The following EBF2 variants were observed in gnomAD, a reference collection of about 807,000 sequenced individuals.
EBF2 encodes transcription factor COE2.
A neutral mutation model predicts 72.8 loss-of-function variants in EBF2; 21 were observed. The observed-to-expected ratio is 0.29, with a 90% CI of 0.20 to 0.42. The LOEUF (loss-of-function observed/expected upper bound fraction) is 0.42. Among genes scored for constraint, EBF2 ranks in the 10% least tolerant of loss-of-function variants. The pLI is 1.00. For missense variants in EBF2, 637 were observed against 731.2 expected (o/e 0.87, Z 1.49); for synonymous variants, 299 against 274.2 (o/e 1.09, Z -0.89).
At chr8:26,002,900 G>GGCAGGCAGGCA (rs1804761634) in intron 6 of EBF2, among the ~76,000 whole-genome samples, 1 of 7,630 alleles carries the variant, frequency 1.3e-4, no homozygotes, top group Non-Finnish European at 2.6e-4. Context: ...GCAGGCAGGC[G>GGCAGGCAGGCA]GGCAGGCGGG....
intron 10 of EBF2, among the ~76,000 whole-genome samples, chr8:25,870,311 A>T (rs1429028787): frequency 6.6e-6 from 1 of 152,096 alleles, no homozygotes; most frequent in East Asian, 1.9e-4. Flanking sequence ...TAGAGAAAAC[A>T]GGAAAATTAT....
intron 6 of EBF2, among the ~76,000 whole-genome samples, chr8:25,926,200 G>A (rs981371703): frequency 5.9e-5 from 9 of 152,148 alleles, no homozygotes; most frequent in African/African-American, 2.2e-4. Context: ...ATGGGAGGGA[G>A]ATCTCGTTGC....
intron 6 of EBF2, among the ~76,000 whole-genome samples, chr8:25,986,676 T>A (rs1206114609): frequency 1.3e-5 from 2 of 151,438 alleles, no homozygotes; most frequent in African/African-American, 2.4e-5. Context: ...ACAACAACTT[T>A]AAAAAAAAAC....
chr8:25,930,569 G>A (rs764619457), intron 6 of EBF2, among the ~76,000 whole-genome samples: 1 of 152,184 alleles, frequency 6.6e-6, no homozygotes, highest in Non-Finnish European at 1.5e-5. Flanking sequence ...TCCTCATTTA[G>A]TTGAGAAAGA....
chr8:26,005,934 G>A (rs1360511407), intron 6 of EBF2, among the ~76,000 whole-genome samples: 2 of 151,932 alleles, frequency 1.3e-5, no homozygotes, highest in African/African-American at 4.8e-5. Context: ...TTAATTTGTG[G>A]TTTTAAAATG....
At chr8:25,994,357 A>C (rs1328881211) in intron 6 of EBF2, among the ~76,000 whole-genome samples, 1 of 152,190 alleles carries the variant, frequency 6.6e-6, no homozygotes, top group Non-Finnish European at 1.5e-5. Context: ...TATTGTGCCA[A>C]ACAGAAATAG....
Position 25,945,036 on chromosome 8 carries a change from C to T in EBF2, c.552-36481G>A, listed in dbSNP as rs550766436. Among the ~76,000 whole-genome samples, 3 of 151,986 alleles carry T rather than the reference C, an allele frequency of 2.0e-5. No homozygotes were observed. In the East Asian group the frequency reaches 5.8e-4, roughly 29 times the overall value. On this transcript the variant is annotated intron_variant, in intron 6 of 15. Transcript: ENST00000520164. Reference sequence around the variant, plus strand: ...GATTTTAAGGCCAAAGGGTTTGATGCCTGCTCTTATTCCATGGGACAATTA... The same window carrying T: ...GATTTTAAGGCCAAAGGGTTTGATGTCTGCTCTTATTCCATGGGACAATTA...
chr8:25,981,645 A>C (rs1253759661), intron 6 of EBF2, among the ~76,000 whole-genome samples: 2 of 151,936 alleles, frequency 1.3e-5, no homozygotes, highest in Non-Finnish European at 2.9e-5. Flanking sequence ...AAAATTCAAA[A>C]ATTAGCCAGG....
intron 6 of EBF2, among the ~76,000 whole-genome samples, chr8:26,005,561 T>TATATAGAGAGAGAGAGAGAGAGAG (rs375386709): frequency 1.6e-5 from 1 of 63,886 alleles, no homozygotes; most frequent in African/African-American, 7.3e-5. Flanking sequence ...TATATATATA[T>TATATAGAGAGAGAGAGAGAGAGAG]AGAGAGAGAG....
intron 10 of EBF2, among the ~76,000 whole-genome samples, chr8:25,875,917 AC>A (rs1309697075): frequency 6.6e-6 from 1 of 152,240 alleles, no homozygotes; most frequent in African/African-American, 2.4e-5. Context: ...CTAGGTATAT[AC>A]CCAAAGGAAT....
chr8:25,948,039 A>G (rs138250118), intron 6 of EBF2, among the ~76,000 whole-genome samples: 81 of 152,362 alleles, frequency 5.3e-4, no homozygotes, highest in African/African-American at 1.8e-3. Context: ...GCACGATGCC[A>G]GAAGTTTCCT....
At chr8:26,007,852 C>T (rs1322265348) in intron 6 of EBF2, among the ~76,000 whole-genome samples, 1 of 151,490 alleles carries the variant, frequency 6.6e-6, no homozygotes, top group Non-Finnish European at 1.5e-5. Context: ...CTCCCAATTA[C>T]AGATATAAAC....
chr8:25,997,479 G>A (rs1422316301), intron 6 of EBF2, among the ~76,000 whole-genome samples: 1 of 151,376 alleles, frequency 6.6e-6, no homozygotes, highest in Non-Finnish European at 1.5e-5. Context: ...GCTGAGGTGG[G>A]AGGATCACTT....
chr8:25,850,802 C>G (rs1801951852), intron 14 of EBF2, 41 bp from the exon 15 acceptor site: 2 of 1,536,996 alleles, frequency 1.3e-6, no homozygotes, highest in South Asian at 1.3e-5. Flanking sequence ...AAATTAAGAT[C>G]TTCCTTCAGT....
At chr8:25,949,580 TC>T (rs1383449148) in intron 6 of EBF2, among the ~76,000 whole-genome samples, 68 of 152,116 alleles carry the variant, frequency 4.5e-4, no homozygotes, top group South Asian at 4.2e-4. Flanking sequence ...CTCCATGAGG[TC>T]CTTTTAAAAT....
chr8:25,851,998 C>CAAACT (rs1801987456), intron 14 of EBF2, among the ~76,000 whole-genome samples: 1 of 152,224 alleles, frequency 6.6e-6, no homozygotes, highest in Non-Finnish European at 1.5e-5. Context: ...CTTTTATAGC[C>CAAACT]AAACTAAAAT....
At chr8:26,038,938 A>T (rs1563216410) in intron 5 of EBF2, among the ~76,000 whole-genome samples, 1 of 152,226 alleles carries the variant, frequency 6.6e-6, no homozygotes, top group African/African-American at 2.4e-5. Context: ...AATTACCCAA[A>T]GCTAGTAAGT....
chr8:26,005,561 T>TATAGAGAGAGAGAGAGAGAG (rs375386709), intron 6 of EBF2, among the ~76,000 whole-genome samples: 16 of 63,892 alleles, frequency 2.5e-4, no homozygotes, highest in East Asian at 1.7e-3. Context: ...TATATATATA[T>TATAGAGAGAGAGAGAGAGAG]AGAGAGAGAG....
At chr8:25,978,918 G>A (rs1201811440) in intron 6 of EBF2, among the ~76,000 whole-genome samples, 1 of 152,166 alleles carries the variant, frequency 6.6e-6, no homozygotes, top group Admixed American at 6.5e-5. Flanking sequence ...GGGGGGCGGA[G>A]TGGTGCGGGT....
Sources: gnomAD v4.1 joint callset for allele counts (sites outside exome capture counted in the v4.1 genomes callset) on GRCh38, gnomAD v4.1.1 for gene constraint, MANE v1.5 for transcripts, NCBI Gene and HGNC (gene_info 2026-07-23, HGNC 2026-07-21) for gene names.